NEGR1: variants seen among roughly 807,000 people sequenced by gnomAD.
NEGR1 encodes the protein IgLON family member 4.
A neutral mutation model predicts 40.9 loss-of-function variants in NEGR1; 10 were observed. The observed-to-expected ratio is 0.24, with a 90% CI of 0.15 to 0.42. The LOEUF is 0.42. Among genes scored for constraint, NEGR1 ranks in the 10% least tolerant of loss-of-function variants. The pLI is 1.00. For synonymous variants in NEGR1, 185 were observed against 166.8 expected, an observed-to-expected ratio of 1.11 and a Z score of -0.84; for missense variants, 352 against 438.9, an observed-to-expected ratio of 0.80 and a Z score of 1.77.
chr1:72,147,338 GA>G (rs1319769476), intron 1 of NEGR1, among the ~76,000 whole-genome samples: 4 of 152,042 alleles, frequency 2.6e-5, no homozygotes, highest in Non-Finnish European at 5.9e-5. Context: ...AGAGAAAAAT[GA>G]GGAAAAAGCA....
chr1:71,594,462 T>C (rs979845422), intron 5 of NEGR1, among the ~76,000 whole-genome samples: 3 of 152,208 alleles, frequency 2.0e-5, no homozygotes, highest in Non-Finnish European at 4.4e-5. Flanking sequence ...TGAGCAGTCA[T>C]ACTTGATTAC....
At chr1:72,240,359 A>T (rs1273456222) in intron 1 of NEGR1, among the ~76,000 whole-genome samples, 1 of 151,868 alleles carries the variant, frequency 6.6e-6, no homozygotes, top group Non-Finnish European at 1.5e-5. Flanking sequence ...CACCTTAGAC[A>T]TCTCAAATGG....
intron 1 of NEGR1, among the ~76,000 whole-genome samples, chr1:72,234,221 C>A (rs903198534): frequency 6.6e-6 from 1 of 151,966 alleles, no homozygotes; most frequent in African/African-American, 2.4e-5. Context: ...CACTAGTAAG[C>A]GAGAACATGG....
intron 1 of NEGR1, among the ~76,000 whole-genome samples, chr1:72,155,509 CATTA>C (rs1651325036): frequency 6.6e-6 from 1 of 151,946 alleles, no homozygotes; most frequent in Non-Finnish European, 1.5e-5. Flanking sequence ...AAAAAAGATG[CATTA>C]ATTATATTTG....
At chr1:72,006,137 A>C (rs2100391550) in intron 1 of NEGR1, among the ~76,000 whole-genome samples, 1 of 152,312 alleles carries the variant, frequency 6.6e-6, no homozygotes, top group Non-Finnish European at 1.5e-5. Flanking sequence ...ATATGCAAAT[A>C]AATTCAGTCT....
chr1:72,107,101 C>A (rs982118344), intron 1 of NEGR1, among the ~76,000 whole-genome samples: 10 of 151,550 alleles, frequency 6.6e-5, no homozygotes, highest in African/African-American at 2.4e-4. Context: ...AATAATCACA[C>A]GTAATCTTAA....
At chr1:71,797,500 T>G (rs1022338334) in intron 2 of NEGR1, among the ~76,000 whole-genome samples, 2 of 152,198 alleles carry the variant, frequency 1.3e-5, no homozygotes, top group Non-Finnish European at 2.9e-5. Flanking sequence ...ACTTAAATTT[T>G]ATGATCCTCT....
At chr1:72,227,583 T>A (rs1256995300) in intron 1 of NEGR1, among the ~76,000 whole-genome samples, 1 of 152,080 alleles carries the variant, frequency 6.6e-6, no homozygotes, top group Non-Finnish European at 1.5e-5. Context: ...AATGGGAATG[T>A]TTATATTTCA....
chr1:72,086,605 T>G (rs1185443226), intron 1 of NEGR1, among the ~76,000 whole-genome samples: 1 of 152,198 alleles, frequency 6.6e-6, no homozygotes, highest in Non-Finnish European at 1.5e-5. Context: ...TGTGCTGCAA[T>G]TTTTGTTTTG....
chr1:72,040,636 G>A (rs1458555770), intron 1 of NEGR1, among the ~76,000 whole-genome samples: 1 of 134,472 alleles, frequency 7.4e-6, no homozygotes. Flanking sequence ...CATCAACTGG[G>A]AACCTTACTG....
At position 71,682,717 on chromosome 1, in the gene NEGR1, T is replaced by C. The variant is rs142174148; in HGVS notation, c.667+15291A>G. ...TCTCACATTGATATTTAATCCCCAA[T>C]GTTGGAGGCAAGGCCCCAGTGGGAG... On this transcript the variant is annotated intron_variant, in intron 4 of 6. Transcript: ENST00000357731. Among the ~76,000 whole-genome samples, 1,223 of 152,282 alleles carry C rather than the reference T, an allele frequency of 8.0e-3. 47 individuals are homozygous for C. Among genetic ancestry groups the C allele is most frequent in the Admixed American group, 0.064 (975 of 15,302 alleles).
At chr1:72,041,232 T>C (rs2100456942) in intron 1 of NEGR1, among the ~76,000 whole-genome samples, 1 of 152,128 alleles carries the variant, frequency 6.6e-6, no homozygotes, top group Non-Finnish European at 1.5e-5. Flanking sequence ...TCCTAATCAT[T>C]TGTCCTTTGT....
chr1:71,684,662 G>A (rs1162513898), intron 4 of NEGR1, among the ~76,000 whole-genome samples: 1 of 152,188 alleles, frequency 6.6e-6, no homozygotes, highest in African/African-American at 2.4e-5. Context: ...CCATTCCAAT[G>A]AGAGGAAGAT....
chr1:71,833,320 A>G (rs1658902180), intron 2 of NEGR1, among the ~76,000 whole-genome samples: 1 of 152,100 alleles, frequency 6.6e-6, no homozygotes, highest in African/African-American at 2.4e-5. Context: ...AGGATTTTGT[A>G]AAATTCTGAG....
intron 4 of NEGR1, among the ~76,000 whole-genome samples, chr1:71,696,331 T>A (rs765378251): frequency 1.3e-5 from 2 of 151,718 alleles, no homozygotes; most frequent in Non-Finnish European, 3.0e-5. Context: ...AATTGTGGCT[T>A]GTATATGGAG....
intron 2 of NEGR1, among the ~76,000 whole-genome samples, chr1:71,933,173 C>T (rs1645871354): frequency 6.6e-6 from 1 of 151,662 alleles, no homozygotes; most frequent in Admixed American, 6.6e-5. Flanking sequence ...GTCTAATGAC[C>T]AGCAAAAAAG....
chr1:71,606,121 C>A (rs541690915), intron 5 of NEGR1, among the ~76,000 whole-genome samples: 18 of 152,254 alleles, frequency 1.2e-4, no homozygotes, highest in Non-Finnish European at 2.4e-4. Flanking sequence ...AATAAGGTTT[C>A]CCCATATAGC....
intron 1 of NEGR1, among the ~76,000 whole-genome samples, chr1:71,986,732 C>G (rs1646398141): frequency 6.6e-6 from 1 of 152,226 alleles, no homozygotes; most frequent in East Asian, 1.9e-4. Flanking sequence ...TCCTGACCAG[C>G]CACAGGTGGC....
rs1457710237 is a variant in NEGR1, at chr1:71,999,678, T to TATATATAC, written c.177-64368_177-64367insGTATATAT. 3.8e-3 allele frequency among the ~76,000 whole-genome samples: 190 copies of TATATATAC among 49,820 alleles called. 12 individuals are homozygous for TATATATAC. The highest frequency in any genetic ancestry group is 6.4e-3 in the Non-Finnish European group (156 of 24,430). 32.7% of individuals were successfully genotyped at this position (49,820 alleles called of 152,430 possible). A position where few individuals can be genotyped will look rare whatever the true frequency, so the allele number is the denominator to read the frequency against. ...ATATATATATATATATATATATATA[T>TATATATAC]ACATACATATTTTTGTCCGGTCTCG... On this transcript the variant is annotated intron_variant, in intron 1 of 6. Transcript: ENST00000357731.
Sources: allele counts gnomAD v4.1 joint callset (sites outside exome capture counted in the v4.1 genomes callset), GRCh38; gene constraint gnomAD v4.1.1; transcripts MANE v1.5; gene names NCBI Gene and HGNC (gene_info 2026-07-23, HGNC 2026-07-21).